Variants in CFAP44 observed in about 807,000 individuals in gnomAD.
The protein encoded by CFAP44 is cilia and flagella associated protein 44, also known as cilia- and flagella-associated protein 44.
CFAP44 carries 134 observed loss-of-function variants against 216.2 expected under a neutral mutation model. That is an observed-to-expected ratio of 0.62 (90% CI 0.54 to 0.72). The LOEUF (loss-of-function observed/expected upper bound fraction) is 0.72. Ranked by LOEUF, CFAP44 falls within the 30% of genes least tolerant of loss-of-function variation. The probability of loss-of-function intolerance (pLI) is 0.00; values close to 1 mark genes in which losing one functional copy is unlikely to be tolerated. For missense variants in CFAP44, 2,035 were observed against 2,182.1 expected (o/e 0.93, Z 1.34); for synonymous variants, 700 against 727.6 (o/e 0.96, Z 0.61).
Position 113,290,094 on chromosome 3 carries a change from C to T in CFAP44, c.*1463G>A, listed in dbSNP as rs948565733. The T allele has an allele frequency of 3.9e-5, 6 of 151,916 alleles. No homozygotes were observed. Among genetic ancestry groups the T allele is most frequent in the South Asian group, 2.1e-4 (1 of 4,814 alleles). The allele number at this position is 151,916 out of a possible 1,614,324, so 9.4% of individuals were successfully genotyped here. On this transcript the variant is annotated 3_prime_UTR_variant, in exon 35 of 35. Coordinates refer to ENST00000393845, the MANE Select transcript of CFAP44 (RefSeq NM_001164496.2). ...GCTAAGTTTGGGGGTAATTTTTTAC[C>T]GCAATAAATAAGACACTCAGGGCTA...
chr3:113,340,060 A>C (rs889325330), intron 24 of CFAP44, among the ~76,000 whole-genome samples: 3 of 152,162 alleles, frequency 2.0e-5, no homozygotes, highest in African/African-American at 7.2e-5. Flanking sequence ...TGCGGCTACC[A>C]TCATGGCTTT....
intron 31 of CFAP44, 65 bp from the exon 32 acceptor site, chr3:113,304,182 G>A (rs1388116378): frequency 2.6e-5 from 39 of 1,479,888 alleles, no homozygotes; most frequent in Non-Finnish European, 3.4e-5. Flanking sequence ...GCAACAGAAA[G>A]CATAAGAGGT....
intron 24 of CFAP44, among the ~76,000 whole-genome samples, chr3:113,338,717 C>A (rs1027391708): frequency 1.3e-5 from 2 of 152,192 alleles, no homozygotes; most frequent in Non-Finnish European, 2.9e-5. Flanking sequence ...GCCAAGATTT[C>A]TCTTCATTTG....
At chr3:113,427,110 AT>A in intron 3 of CFAP44, 76 bp downstream of exon 3, 1 of 1,472,722 alleles carries the variant, frequency 6.8e-7, no homozygotes, top group Non-Finnish European at 9.3e-7. Flanking sequence ...CTTTCTATGG[AT>A]TTATAACTCT....
intron 15 of CFAP44, among the ~76,000 whole-genome samples, chr3:113,391,274 A>G (rs1456461314): frequency 6.6e-6 from 1 of 152,192 alleles, no homozygotes; most frequent in Non-Finnish European, 1.5e-5. Context: ...CAGTTTTGGA[A>G]AAACTGGATA....
chr3:113,410,088 G>A (rs1052082069), intron 6 of CFAP44, among the ~76,000 whole-genome samples: 1 of 152,086 alleles, frequency 6.6e-6, no homozygotes, highest in South Asian at 2.1e-4. Flanking sequence ...AGCAGCCCAA[G>A]CCACTGCTCT....
chr3:113,368,225 A>G (rs1289316684), intron 18 of CFAP44, among the ~76,000 whole-genome samples: 1 of 152,216 alleles, frequency 6.6e-6, no homozygotes, highest in Admixed American at 6.5e-5. Context: ...ATTCAAGTTC[A>G]GGAAATACAG....
At chr3:113,335,679 A>G (rs998036783) in intron 24 of CFAP44, among the ~76,000 whole-genome samples, 6 of 152,196 alleles carry the variant, frequency 3.9e-5, no homozygotes, top group African/African-American at 1.4e-4. Context: ...ATCATAAAAA[A>G]TCATGCTTCA....
intron 9 of CFAP44, among the ~76,000 whole-genome samples, 199 bp from the exon 10 acceptor site, chr3:113,401,938 T>G (rs910279503): frequency 6.6e-6 from 1 of 152,214 alleles, no homozygotes; most frequent in Non-Finnish European, 1.5e-5. Flanking sequence ...TGATAAGCTA[T>G]TATAGTTTCC....
At chr3:113,438,350 G>A (rs1342776680) in intron 1 of CFAP44, among the ~76,000 whole-genome samples, 2 of 152,210 alleles carry the variant, frequency 1.3e-5, no homozygotes, top group Admixed American at 6.5e-5. Flanking sequence ...GGCCAGGGAT[G>A]AGAATACTGG....
chr3:113,420,303 T>G, intron 4 of CFAP44, 124 bp from the exon 5 acceptor site: 1 of 1,011,442 alleles, frequency 9.9e-7, no homozygotes, highest in Non-Finnish European at 1.3e-6. Flanking sequence ...GTAGTTGAAT[T>G]TTACCCTGAA....
intron 24 of CFAP44, among the ~76,000 whole-genome samples, chr3:113,338,708 C>A (rs1473794151): frequency 6.6e-6 from 1 of 152,110 alleles, no homozygotes; most frequent in Non-Finnish European, 1.5e-5. Context: ...TGAAAAGTTG[C>A]CAAGATTTCT....
chr3:113,419,952 G>T, intron 5 of CFAP44, 65 bp downstream of exon 5: 1 of 1,527,564 alleles, frequency 6.5e-7, no homozygotes, highest in Admixed American at 1.8e-5. Flanking sequence ...CATGTTGGCT[G>T]GTCCACAGAA....
intron 17 of CFAP44, among the ~76,000 whole-genome samples, chr3:113,377,688 C>G (rs1933387282): frequency 6.6e-6 from 1 of 152,074 alleles, no homozygotes; most frequent in African/African-American, 2.4e-5. Flanking sequence ...GAGTCTTGCT[C>G]TGTCACCAGG....
At chr3:113,335,838 G>T (rs1217550555) in intron 24 of CFAP44, among the ~76,000 whole-genome samples, 1 of 152,118 alleles carries the variant, frequency 6.6e-6, no homozygotes, top group Non-Finnish European at 1.5e-5. Flanking sequence ...TATATGCGTG[G>T]CCATAACACA....
rs762876203 is a variant in CFAP44 at position 113,409,177 on chromosome 3, C to T, written c.819G>A (p.Gln273=). 2.9e-5 allele frequency: 46 copies of T among 1,613,934 alleles called. No homozygotes were observed. Among genetic ancestry groups the T allele is most frequent in the Non-Finnish European group, 3.5e-5 (41 of 1,180,042 alleles). ...QPILRTKAFS[Q]EVFKVTFNPD... is the part of the protein sequence containing the mutation. ...GATTGAAAGTAACCTTAAAAACTTC[C>T]TGAGAAAAAGCTTTTGTCCTTAGTA... The change falls in exon 7 of 35, where the codon CAG becomes CAA. Residue 273 remains glutamine, a synonymous_variant. Transcript: ENST00000393845.
chr3:113,359,391 G>A (rs1950518173), intron 21 of CFAP44, among the ~76,000 whole-genome samples: 3 of 152,028 alleles, frequency 2.0e-5, no homozygotes, highest in Admixed American at 2.0e-4. Flanking sequence ...CTCATCCCTG[G>A]AAAAATATCA....
chr3:113,302,457 T>TAAAAAAAAAAAAAAAAAAAGA (rs1949945022), intron 32 of CFAP44, among the ~76,000 whole-genome samples: 1 of 75,812 alleles, frequency 1.3e-5, no homozygotes, highest in Non-Finnish European at 2.8e-5. Context: ...CTAGACAAAG[T>TAAAAAAAAAAAAAAAAAAAGA]AAAAAAAAAA....
chr3:113,419,985 T>G (rs200271647), intron 5 of CFAP44, 32 bp downstream of exon 5: 39 of 1,603,468 alleles, frequency 2.4e-5, no homozygotes, highest in East Asian at 1.1e-4. Context: ...TAGGGTTTTT[T>G]GGGGTTTTTT....
Sources: gnomAD v4.1 joint callset for allele counts (sites outside exome capture counted in the v4.1 genomes callset) on GRCh38, gnomAD v4.1.1 for gene constraint, MANE v1.5 for transcripts, NCBI Gene and HGNC (gene_info 2026-07-23, HGNC 2026-07-21) for gene names.